The following IGSF10 variants were observed in gnomAD, a reference collection of about 807,000 sequenced individuals.
IGSF10 encodes the protein immunoglobulin superfamily member 10.
Under a neutral mutation model 128.2 loss-of-function variants are expected in IGSF10, and 126 were observed. The observed-to-expected ratio is 0.98, with a 90% CI of 0.85 to 1.14. The LOEUF is 1.14. Ranked by LOEUF, IGSF10 falls within the 50% of genes most tolerant of loss-of-function variation. The pLI is 0.00. For missense variants in IGSF10, 3,295 were observed against 3,149.8 expected (o/e 1.05, Z -1.10); for synonymous variants, 1,185 against 1,146.2 (o/e 1.03, Z -0.68).
the IGSF10 span, among the ~76,000 whole-genome samples, chr3:151,592,759 T>C: frequency 1.3e-5 from 2 of 152,122 alleles, no homozygotes; most frequent in South Asian, 4.1e-4. Context: ...TTAGAAACAA[T>C]GTTGTGCACA....
the IGSF10 span, among the ~76,000 whole-genome samples, chr3:151,547,099 T>C: frequency 6.6e-6 from 1 of 152,136 alleles, no homozygotes; most frequent in East Asian, 1.9e-4. Flanking sequence ...CTAAATAATA[T>C]GTTTATATTG....
the IGSF10 span, among the ~76,000 whole-genome samples, chr3:151,514,026 C>T: frequency 1.2e-4 from 19 of 152,068 alleles, no homozygotes; most frequent in African/African-American, 4.3e-4. Flanking sequence ...GAATCAATAT[C>T]GTGAAAATGG....
At chr3:151,478,302 T>C in the IGSF10 span, among the ~76,000 whole-genome samples, 3 of 152,256 alleles carry the variant, frequency 2.0e-5, no homozygotes. Flanking sequence ...ATCTGGACAC[T>C]GGCATTTATT....
At chr3:151,508,430 G>A in the IGSF10 span, among the ~76,000 whole-genome samples, 1 of 152,046 alleles carries the variant, frequency 6.6e-6, no homozygotes, top group Non-Finnish European at 1.5e-5. Context: ...CACCTTTTGA[G>A]TAAACCGCAA....
chr3:151,612,437 T>C, the IGSF10 span, among the ~76,000 whole-genome samples: 1 of 152,168 alleles, frequency 6.6e-6, no homozygotes, highest in African/African-American at 2.4e-5. Flanking sequence ...AGGTGGTGAT[T>C]AGCCTCCAAG....
At chr3:151,515,164 C>T in the IGSF10 span, among the ~76,000 whole-genome samples, 1 of 152,046 alleles carries the variant, frequency 6.6e-6, no homozygotes, top group African/African-American at 2.4e-5. Flanking sequence ...AAGACACATG[C>T]ACACGTATGT....
At position 151,437,229 on chromosome 3, in the gene IGSF10, G is replaced by C; in HGVS notation, c.7332C>G (p.Gly2444=). ...GCAGTGATAGAGATTCTCCACTGAT[G>C]CCTTTTACTGTCCCTGGTGCATAGG... The part of the protein sequence containing the change: ...ILTYAPGTVK[G]ISGESLSLHC... Residue 2444 remains glycine, a synonymous_variant, in exon 8 of 8, where the codon GGC becomes GGG. Transcript: ENST00000282466. 6.2e-7 allele frequency: 1 copy of C among 1,614,192 alleles called. No individual in the cohort carries two copies. The highest frequency in any genetic ancestry group is 8.5e-7 in the Non-Finnish European group (1 of 1,180,036).
chr3:151,479,666 A>T, the IGSF10 span, among the ~76,000 whole-genome samples: 1 of 152,236 alleles, frequency 6.6e-6, no homozygotes, highest in Non-Finnish European at 1.5e-5. Context: ...TGTTAGGGCC[A>T]AGAGTGTTTA....
chr3:151,583,428 T>C, the IGSF10 span, among the ~76,000 whole-genome samples: 22 of 152,350 alleles, frequency 1.4e-4, no homozygotes, highest in African/African-American at 5.3e-4. Context: ...CACATTTTTA[T>C]TAACTTTCAC....
the IGSF10 span, among the ~76,000 whole-genome samples, chr3:151,521,426 G>T: frequency 6.6e-6 from 1 of 151,804 alleles, no homozygotes; most frequent in South Asian, 2.1e-4. Context: ...ATTGCTGCAT[G>T]GTGCATACTG....
In IGSF10 at chr3:151,446,512, TGTGA is replaced by T. The variant is rs757346046; in HGVS notation, c.3465_3468del (p.His1156LysfsTer2). The T allele has an allele frequency of 6.2e-7, 1 of 1,614,228 alleles. No individual in the cohort carries two copies. On this transcript the variant is annotated frameshift_variant, in exon 6 of 8. Coordinates refer to ENST00000282466, the MANE Select transcript of IGSF10 (RefSeq NM_178822.5). LOFTEE classifies it high-confidence loss of function. ...ACACGTGGGTAACTGGCGTTTACTT[TGTGA>T]GTTTTTTCCATGGGTATGGATGTTG...
the IGSF10 span, among the ~76,000 whole-genome samples, chr3:151,494,170 G>A: frequency 1.3e-5 from 2 of 151,962 alleles, no homozygotes; most frequent in South Asian, 2.1e-4. Context: ...TTTATTTCTT[G>A]GAAAGAGACC....
At chr3:151,602,194 ATTTTGGT>A in the IGSF10 span, among the ~76,000 whole-genome samples, 1 of 152,278 alleles carries the variant, frequency 6.6e-6, no homozygotes, top group East Asian at 1.9e-4. Context: ...AGAACTGGTT[ATTTTGGT>A]TTTCTTCATA....
intron 5 of IGSF10, among the ~76,000 whole-genome samples, chr3:151,451,345 C>T (rs924389285): frequency 6.6e-6 from 1 of 152,108 alleles, no homozygotes; most frequent in African/African-American, 2.4e-5. Flanking sequence ...CTCTGGGTAC[C>T]CTTCACTTCT....
chr3:151,570,989 G>C, the IGSF10 span, among the ~76,000 whole-genome samples: 1 of 152,212 alleles, frequency 6.6e-6, no homozygotes, highest in East Asian at 1.9e-4. Flanking sequence ...TATTAAATAG[G>C]GAATCCTTTC....
the IGSF10 span, among the ~76,000 whole-genome samples, chr3:151,509,674 G>A: frequency 0.016 from 2,476 of 152,346 alleles, 31 homozygotes; most frequent in South Asian, 0.025. Context: ...GAAGCAGGGC[G>A]AGGCATCGCC....
the IGSF10 span, among the ~76,000 whole-genome samples, chr3:151,587,989 A>C: frequency 6.6e-6 from 1 of 152,320 alleles, no homozygotes; most frequent in East Asian, 1.9e-4. Flanking sequence ...GTATATCTTT[A>C]TCAGCAGCGT....
At chr3:151,611,316 T>C in the IGSF10 span, among the ~76,000 whole-genome samples, 1 of 152,228 alleles carries the variant, frequency 6.6e-6, no homozygotes, top group Non-Finnish European at 1.5e-5. Context: ...ATTTTCAGTT[T>C]CCAAATCTTA....
At position 151,453,445 on chromosome 3, in the gene IGSF10, T is replaced by TC. The variant is rs1162582338; in HGVS notation, c.653dup (p.Asn219LysfsTer6). The TC allele has an allele frequency of 6.2e-7, 1 of 1,613,384 alleles. No homozygotes were observed. The highest frequency in any genetic ancestry group is 8.5e-7 in the Non-Finnish European group (1 of 1,179,838). The stretch of plus-strand genomic sequence containing the variant: ...AATGGCAATCACAGGTCCATGGGTT[T>TC]CCATGCAGGTAAAGGCTGTCTAGGT... On this transcript the variant is annotated frameshift_variant, in exon 5 of 8. Coordinates refer to ENST00000282466, the MANE Select transcript of IGSF10 (RefSeq NM_178822.5). LOFTEE classifies it high-confidence loss of function.
Sources: gnomAD v4.1 joint callset for allele counts (sites outside exome capture counted in the v4.1 genomes callset) on GRCh38, gnomAD v4.1.1 for gene constraint, MANE v1.5 for transcripts, NCBI Gene and HGNC (gene_info 2026-07-23, HGNC 2026-07-21) for gene names.